Variants in JAK1 observed in about 807,000 individuals in gnomAD.
The protein encoded by JAK1 is tyrosine-protein kinase JAK1.
JAK1 carries 16 observed loss-of-function variants against 136.6 expected under a neutral mutation model. That is an observed-to-expected ratio of 0.12 (90% confidence interval 0.08 to 0.18). The LOEUF is 0.18. Among genes scored for constraint, JAK1 ranks in the 10% least tolerant of loss-of-function variants. The pLI, the probability that JAK1 is intolerant of heterozygous loss-of-function variation, is 1.00. For missense variants in JAK1, 859 were observed against 1,450.1 expected, an observed-to-expected ratio of 0.59 and a Z score of 6.62; for synonymous variants, 492 against 519.5, an observed-to-expected ratio of 0.95 and a Z score of 0.72.
chr1:64,977,138 C>CTTTGT (rs1553177805), intron 2 of JAK1, among the ~76,000 whole-genome samples: 2 of 148,274 alleles, frequency 1.3e-5, no homozygotes, highest in African/African-American at 5.0e-5. Context: ...ACAGCTTCAT[C>CTTTGT]TTGTTTGTTT....
chr1:64,943,993 T>C (rs571358870), intron 1 of JAK1, among the ~76,000 whole-genome samples: 2 of 151,084 alleles, frequency 1.3e-5, no homozygotes, highest in East Asian at 1.9e-4. Context: ...GAGGCCGAGG[T>C]AGGCGGATCA....
chr1:65,050,989 A>G (rs545135818), intron 1 of JAK1, among the ~76,000 whole-genome samples: 74 of 152,290 alleles, frequency 4.9e-4, no homozygotes, highest in Non-Finnish European at 8.2e-4. Context: ...CGCTCAACAA[A>G]TATTGACTCA....
intron 1 of JAK1, among the ~76,000 whole-genome samples, chr1:64,907,708 G>A (rs1260609322): frequency 6.6e-6 from 1 of 152,106 alleles, no homozygotes; most frequent in Admixed American, 6.6e-5. Flanking sequence ...AACAAGATGT[G>A]TTATGAGTGT....
chr1:65,050,905 A>G (rs1002254370), intron 1 of JAK1, among the ~76,000 whole-genome samples: 1 of 152,190 alleles, frequency 6.6e-6, no homozygotes, highest in African/African-American at 2.4e-5. Flanking sequence ...AGGTTCTTCA[A>G]TTAGGAAACA....
At chr1:64,956,862 A>G (rs2100607135) in intron 1 of JAK1, among the ~76,000 whole-genome samples, 1 of 152,300 alleles carries the variant, frequency 6.6e-6, no homozygotes, top group African/African-American at 2.4e-5. Flanking sequence ...TCATTGGGGG[A>G]GGAGGAGAAG....
intron 1 of JAK1, among the ~76,000 whole-genome samples, chr1:65,056,413 G>C (rs933228461): frequency 6.6e-6 from 1 of 152,160 alleles, no homozygotes; most frequent in African/African-American, 2.4e-5. Flanking sequence ...ACACTAAAGG[G>C]AACTGCAATC....
At chr1:64,918,376 A>G (rs1645435658) in intron 1 of JAK1, 1 of 152,214 alleles carries the variant, frequency 6.6e-6, no homozygotes, top group African/African-American at 2.4e-5. Flanking sequence ...CTGAGATACT[A>G]CTTAGTCAAG....
intron 11 of JAK1, 103 bp downstream of exon 11, chr1:64,855,406 G>T (rs1655862450): frequency 1.9e-6 from 2 of 1,036,824 alleles, no homozygotes; most frequent in Admixed American, 5.3e-5. Context: ...AGAAACTGTG[G>T]GGAGGGTCCA....
chr1:64,983,226 T>C (rs188770071), intron 2 of JAK1, among the ~76,000 whole-genome samples: 36 of 152,158 alleles, frequency 2.4e-4, no homozygotes, highest in Non-Finnish European at 3.8e-4. Flanking sequence ...TGCACATACA[T>C]TCATACTCTC....
chr1:64,907,412 G>A (rs1008856791), intron 1 of JAK1, among the ~76,000 whole-genome samples: 1 of 152,154 alleles, frequency 6.6e-6, no homozygotes, highest in African/African-American at 2.4e-5. Flanking sequence ...TAGAAAAAGT[G>A]CTGGACCCGT....
At chr1:64,849,536 C>G (rs1234925104) in intron 12 of JAK1, among the ~76,000 whole-genome samples, 4 of 152,236 alleles carry the variant, frequency 2.6e-5, no homozygotes, top group Admixed American at 1.3e-4. Context: ...CCGCTTCCCC[C>G]AGGAAGCTAT....
upstream of JAK1, among the ~76,000 whole-genome samples, chr1:64,970,408 TC>T: frequency 6.6e-6 from 1 of 151,484 alleles, no homozygotes; most frequent in Non-Finnish European, 1.5e-5. Flanking sequence ...ACCACTGCAC[TC>T]CAGCCTGGGC....
chr1:64,899,899 C>A (rs1645078543), intron 1 of JAK1, among the ~76,000 whole-genome samples: 1 of 152,148 alleles, frequency 6.6e-6, no homozygotes, highest in African/African-American at 2.4e-5. Context: ...AGCTATGATG[C>A]ATAGACGCAC....
chr1:64,839,398 G>A (rs1464976029), intron 20 of JAK1: 5 of 431,620 alleles, frequency 1.2e-5, no homozygotes, highest in Non-Finnish European at 1.6e-5. Context: ...GCCCCTGGAT[G>A]GAGGGGCCTG....
intron 17 of JAK1, among the ~76,000 whole-genome samples, chr1:64,842,317 CA>C (rs1488020451): frequency 1.3e-5 from 2 of 152,116 alleles, no homozygotes; most frequent in African/African-American, 4.8e-5. Flanking sequence ...AAATTTTCTT[CA>C]ACTGTTTATT....
At chr1:64,983,710 C>T (rs1646572062) in intron 2 of JAK1, among the ~76,000 whole-genome samples, 1 of 152,156 alleles carries the variant, frequency 6.6e-6, no homozygotes, top group South Asian at 2.1e-4. Flanking sequence ...ACTTTCCCTG[C>T]CCTGGACTCC....
chr1:65,048,824 T>C (rs1257887785), intron 1 of JAK1, among the ~76,000 whole-genome samples: 1 of 134,348 alleles, frequency 7.4e-6, no homozygotes, highest in Non-Finnish European at 1.6e-5. Flanking sequence ...GGGCATTTAA[T>C]ATGTTTTCTG....
intron 10 of JAK1, among the ~76,000 whole-genome samples, chr1:64,855,925 A>G (rs1190433038): frequency 6.6e-6 from 1 of 152,232 alleles, no homozygotes; most frequent in Non-Finnish European, 1.5e-5. Context: ...GATAAAAGGG[A>G]GTTAATACTA....
At chr1:64,866,529 C>T (rs1430059691) in intron 7 of JAK1, among the ~76,000 whole-genome samples, 3 of 152,130 alleles carry the variant, frequency 2.0e-5, no homozygotes, top group African/African-American at 7.2e-5. Flanking sequence ...CAATACTTCC[C>T]TCAAAGGTTT....
Sources: allele counts gnomAD v4.1 joint callset (sites outside exome capture counted in the v4.1 genomes callset), GRCh38; gene constraint gnomAD v4.1.1; transcripts MANE v1.5; gene names NCBI Gene and HGNC (gene_info 2026-07-23, HGNC 2026-07-21).